ARL6IP6: variants seen among roughly 807,000 people sequenced by gnomAD.
The protein encoded by ARL6IP6 is ARF like GTPase 6 interacting protein 6.
In ARL6IP6, 22 loss-of-function variants were observed where a neutral mutation model predicts 21.5. The observed-to-expected ratio is 1.02, with a 90% CI of 0.73 to 1.46. The LOEUF (loss-of-function observed/expected upper bound fraction) is 1.46, where lower values mean the gene tolerates loss of function less well. Ranked by LOEUF, ARL6IP6 falls within the 40% of genes most tolerant of loss-of-function variation. The probability of loss-of-function intolerance (pLI) is 0.00; values close to 1 mark genes in which losing one functional copy is unlikely to be tolerated. For synonymous variants in ARL6IP6, 164 were observed against 125.3 expected, an observed-to-expected ratio of 1.31 and a Z score of -2.06; for missense variants, 388 against 299.8, an observed-to-expected ratio of 1.29 and a Z score of -2.17.
rs1010700082 is a variant in ARL6IP6, at chr2:152,760,390, A to G, written c.*550A>G. 127 of 152,174 alleles carry G rather than the reference A, an allele frequency of 8.3e-4. No individual in the cohort carries two copies. Among genetic ancestry groups the G allele is most frequent in the South Asian group, 1.0e-3 (5 of 4,828 alleles). The allele number at this position is 152,174 out of a possible 1,614,324, so 9.4% of individuals were successfully genotyped here. A position where few individuals can be genotyped will look rare whatever the true frequency, so the allele number is the denominator to read the frequency against. On this transcript the variant is annotated 3_prime_UTR_variant, in exon 4 of 4. Transcript: ENST00000326446. ...GTTGCATTTATATTTTTTATGGGGC[A>G]TAGTTCCTTATGTGTTTTTTTAATG...
chr2:152,753,640 A>G (rs1170573313), intron 3 of ARL6IP6, among the ~76,000 whole-genome samples: 1 of 150,084 alleles, frequency 6.7e-6, no homozygotes, highest in East Asian at 2.0e-4. Context: ...AGAAATTGAC[A>G]CCTTTACAAT....
chr2:152,733,188 C>G (rs1228595074), intron 2 of ARL6IP6, among the ~76,000 whole-genome samples: 1 of 152,040 alleles, frequency 6.6e-6, no homozygotes, highest in Non-Finnish European at 1.5e-5. Flanking sequence ...AGTGGTCACC[C>G]CATTGAATTA....
rs529637893 is a variant in ARL6IP6 at position 152,742,602 on chromosome 2, G to A, written c.587+7476G>A. On this transcript the variant is annotated intron_variant, in intron 3 of 3. Coordinates refer to ENST00000326446, the MANE Select transcript of ARL6IP6 (RefSeq NM_152522.7). ...AAAAAAAAAAAAAAAAAGAACTTTG[G>A]GGTTCATTCTAGGCTTGGCCATTGG... Among the ~76,000 whole-genome samples, 3 of 151,366 alleles carry A rather than the reference G, an allele frequency of 2.0e-5. No individual in the cohort carries two copies. In the South Asian group the frequency reaches 6.3e-4, roughly 32 times the overall value.
chr2:152,743,347 G>A (rs941795545), intron 3 of ARL6IP6, among the ~76,000 whole-genome samples: 6 of 152,092 alleles, frequency 3.9e-5, no homozygotes, highest in East Asian at 1.9e-4. Flanking sequence ...GTGATGGGTC[G>A]TATTGCTGAC....
rs753584168 is a variant in ARL6IP6 at position 152,718,652 on chromosome 2, T to A, written c.28T>A (p.Ser10Thr). 1.3e-6 allele frequency: 2 copies of A among 1,548,172 alleles called. No homozygotes were observed. Among genetic ancestry groups the A allele is most frequent in the South Asian group, 2.4e-5 (2 of 82,414 alleles). Reference protein sequence around the residue: MSFAESGWRSALRRRGPGTP... With the variant: MSFAESGWRTALRRRGPGTP... ...GTCGTTTGCTGAGAGCGGGTGGCGG[T>A]CGGCTCTGCGGCGCCGCGGTCCCGG... Residue 10 changes from serine to threonine, a missense_variant, in exon 1 of 4, where the codon TCG (serine) becomes ACG (threonine). By Grantham distance (58) the Ser-to-Thr change is moderately conservative (BLOSUM62 1). Coordinates refer to ENST00000326446, the MANE Select transcript of ARL6IP6 (RefSeq NM_152522.7).
chr2:152,723,491 C>T (rs893674060), intron 2 of ARL6IP6, among the ~76,000 whole-genome samples: 1 of 152,180 alleles, frequency 6.6e-6, no homozygotes, highest in African/African-American at 2.4e-5. Flanking sequence ...AAATTTACTG[C>T]AAATTTCCTC....
At chr2:152,732,059 T>C (rs1011464248) in intron 2 of ARL6IP6, among the ~76,000 whole-genome samples, 1 of 152,008 alleles carries the variant, frequency 6.6e-6, no homozygotes, top group African/African-American at 2.4e-5. Flanking sequence ...ATTTAGGTTG[T>C]TTTCAATCTA....
In ARL6IP6 at chr2:152,760,750, A is replaced by G. The variant is rs570779546; in HGVS notation, c.*910A>G. ...ACTTGCATTATTTTGTTTTTAATAAATATAAACATGAAATTTTTGTATGTG... is the reference window on the plus strand; with the variant it reads ...ACTTGCATTATTTTGTTTTTAATAAGTATAAACATGAAATTTTTGTATGTG... On this transcript the variant is annotated 3_prime_UTR_variant, in exon 4 of 4. Transcript: ENST00000326446. 37 of 152,140 alleles carry G rather than the reference A, an allele frequency of 2.4e-4. 1 individual carries two copies. The highest frequency in any genetic ancestry group is 1.5e-3 in the South Asian group (7 of 4,820). The allele number at this position is 152,140 out of a possible 1,614,324, so 9.4% of individuals were successfully genotyped here. A position where few individuals can be genotyped will look rare whatever the true frequency, so the allele number is the denominator to read the frequency against.
chr2:152,721,612 C>CA (rs1699793893), intron 2 of ARL6IP6, among the ~76,000 whole-genome samples: 1 of 152,188 alleles, frequency 6.6e-6, no homozygotes, highest in Admixed American at 6.5e-5. Flanking sequence ...TCACATGAAT[C>CA]AAGTCATTTG....
intron 2 of ARL6IP6, among the ~76,000 whole-genome samples, chr2:152,728,494 T>A (rs1408990340): frequency 6.6e-6 from 1 of 152,194 alleles, no homozygotes; most frequent in Non-Finnish European, 1.5e-5. Context: ...GCTAAAACTG[T>A]TAAACAAAAT....
intron 3 of ARL6IP6, among the ~76,000 whole-genome samples, chr2:152,736,826 A>T (rs1482355053): frequency 6.6e-6 from 1 of 152,228 alleles, no homozygotes; most frequent in Non-Finnish European, 1.5e-5. Flanking sequence ...CATTATAAGT[A>T]ATCTAGAGAT....
intron 3 of ARL6IP6, among the ~76,000 whole-genome samples, chr2:152,740,345 C>G (rs1394593383): frequency 1.3e-5 from 2 of 152,122 alleles, no homozygotes; most frequent in Non-Finnish European, 1.5e-5. Flanking sequence ...GCAGCCTGCC[C>G]ACCTTGGCCT....
At chr2:152,722,879 T>C (rs138011948) in intron 2 of ARL6IP6, among the ~76,000 whole-genome samples, 1 of 152,108 alleles carries the variant, frequency 6.6e-6, no homozygotes. Flanking sequence ...CTGCATTCCA[T>C]CCTCAGCAAC....
chr2:152,721,590 C>G (rs1400483858), intron 2 of ARL6IP6, among the ~76,000 whole-genome samples: 1 of 152,220 alleles, frequency 6.6e-6, no homozygotes, highest in Non-Finnish European at 1.5e-5. Context: ...AACTTAATCA[C>G]TCTACATTCG....
chr2:152,739,054 C>T (rs1329378391), intron 3 of ARL6IP6, among the ~76,000 whole-genome samples: 1 of 151,666 alleles, frequency 6.6e-6, no homozygotes, highest in African/African-American at 2.4e-5. Context: ...GTGATCTTGG[C>T]TCACTGCAAG....
At chr2:152,749,290 A>G (rs1701202118) in intron 3 of ARL6IP6, among the ~76,000 whole-genome samples, 1 of 142,430 alleles carries the variant, frequency 7.0e-6, no homozygotes, top group Non-Finnish European at 1.5e-5. Context: ...AGAGGGTAAT[A>G]TCAAGCAGAA....
chr2:152,718,270 G>A (rs1290099822), upstream of ARL6IP6: 10 of 273,316 alleles, frequency 3.7e-5, no homozygotes, highest in African/African-American at 2.2e-4. Flanking sequence ...TGGGGCTGTC[G>A]GGGCGCGCGC....
intron 3 of ARL6IP6, among the ~76,000 whole-genome samples, chr2:152,757,675 T>G (rs879289558): frequency 1.3e-5 from 2 of 152,172 alleles, no homozygotes; most frequent in Non-Finnish European, 2.9e-5. Flanking sequence ...TTGAAAAGCT[T>G]TAAATTAAAG....
At position 152,739,687 on chromosome 2, in the gene ARL6IP6, C is replaced by T. The variant is rs556335985; in HGVS notation, c.587+4561C>T. ...CCCACATTTTCAGGTATGTTTACAG[C>T]AGCAACCCGCTCTACCGGTACCAAT... On this transcript the variant is annotated intron_variant, in intron 3 of 3. Transcript: ENST00000326446. Among the ~76,000 whole-genome samples, 2 of 152,322 alleles carry T rather than the reference C, an allele frequency of 1.3e-5. 1 individual carries two copies. The highest frequency in any genetic ancestry group is 1.3e-4 in the Admixed American group (2 of 15,310).
Sources: gnomAD v4.1 joint callset for allele counts (sites outside exome capture counted in the v4.1 genomes callset) on GRCh38, gnomAD v4.1.1 for gene constraint, MANE v1.5 for transcripts, NCBI Gene and HGNC (gene_info 2026-07-23, HGNC 2026-07-21) for gene names.